CNOT2: variants seen among roughly 807,000 people sequenced by gnomAD.
CNOT2 encodes the protein CC chemokine receptor 4-negative regulator of transcription 2.
A neutral mutation model predicts 72.1 loss-of-function variants in CNOT2; 7 were observed. The observed-to-expected ratio is 0.10, with a 90% confidence interval of 0.06 to 0.18. The LOEUF is 0.18. Among genes scored for constraint, CNOT2 ranks in the 10% least tolerant of loss-of-function variants. The probability of loss-of-function intolerance (pLI) is 1.00; values close to 1 mark genes in which losing one functional copy is unlikely to be tolerated. For synonymous variants in CNOT2, 196 were observed against 225.6 expected (o/e 0.87, Z 1.17); for missense variants, 345 against 660.3 (o/e 0.52, Z 5.23).
At chr12:70,246,118 A>G (rs1273037159) in intron 1 of CNOT2, among the ~76,000 whole-genome samples, 1 of 152,218 alleles carries the variant, frequency 6.6e-6, no homozygotes, top group Non-Finnish European at 1.5e-5. Context: ...TCACATGTAT[A>G]TATGAAATAA....
At chr12:70,250,598 G>C (rs949685833) in intron 1 of CNOT2, among the ~76,000 whole-genome samples, 1 of 151,916 alleles carries the variant, frequency 6.6e-6, no homozygotes, top group African/African-American at 2.4e-5. Flanking sequence ...AAATAAAGGG[G>C]GATAAAGGTA....
chr12:70,340,475 T>G (rs1476447222), intron 11 of CNOT2, among the ~76,000 whole-genome samples: 1 of 152,212 alleles, frequency 6.6e-6, no homozygotes, highest in Non-Finnish European at 1.5e-5. Context: ...TCCACACTTC[T>G]GAGTTTGAGA....
intron 2 of CNOT2, chr12:70,294,390 T>TA: frequency 5.4e-6 from 4 of 739,682 alleles, no homozygotes; most frequent in Non-Finnish European, 8.0e-6. Flanking sequence ...GTCATTTTGT[T>TA]AGTTTAGAAA....
At chr12:70,296,637 T>C (rs1286787035) in intron 2 of CNOT2, among the ~76,000 whole-genome samples, 1 of 148,346 alleles carries the variant, frequency 6.7e-6, no homozygotes, top group Non-Finnish European at 1.5e-5. Flanking sequence ...GACTTGAATT[T>C]GTTTCTCACA....
chr12:70,295,696 T>G (rs1872700164), intron 2 of CNOT2, among the ~76,000 whole-genome samples: 1 of 152,210 alleles, frequency 6.6e-6, no homozygotes, highest in Admixed American at 6.5e-5. Flanking sequence ...CTCCAACTTC[T>G]TACTGCTCAT....
At chr12:70,276,132 A>G (rs1251114319) in intron 1 of CNOT2, among the ~76,000 whole-genome samples, 7 of 152,040 alleles carry the variant, frequency 4.6e-5, no homozygotes, top group Non-Finnish European at 2.9e-5. Context: ...ACAAAAATCC[A>G]TAATTCTTCA....
At chr12:70,313,369 A>G (rs1876794307) in intron 3 of CNOT2, among the ~76,000 whole-genome samples, 1 of 151,992 alleles carries the variant, frequency 6.6e-6, no homozygotes. Context: ...TATATTTGTC[A>G]TTTTAATTAA....
At chr12:70,326,855 A>G (rs1879154825) in intron 4 of CNOT2, among the ~76,000 whole-genome samples, 1 of 151,888 alleles carries the variant, frequency 6.6e-6, no homozygotes. Flanking sequence ...TTAATTTTAG[A>G]AAGCTAAAAT....
rs565221838 is a variant in CNOT2 at position 70,301,603 on chromosome 12, G to T, written c.49-9292G>T. The T allele has an allele frequency of 3.9e-5, 6 of 151,950 alleles. 1 individual carries two copies. The South Asian group carries it at 1.3e-3, about 32-fold the overall frequency. The allele number at this position is 151,950 out of a possible 1,614,324, so 9.4% of individuals were successfully genotyped here. A position where few individuals can be genotyped will look rare whatever the true frequency, so the allele number is the denominator to read the frequency against. Reference sequence around the variant, plus strand: ...GATCATGGTGGATAAGCTTTTTGATGTGCTGCTGGATTCGGTTTGCCTGTA... The same window carrying T: ...GATCATGGTGGATAAGCTTTTTGATTTGCTGCTGGATTCGGTTTGCCTGTA... On this transcript the variant is annotated intron_variant, in intron 2 of 15. Coordinates refer to ENST00000229195, the MANE Select transcript of CNOT2 (RefSeq NM_014515.7).
intron 5 of CNOT2, 108 bp from the exon 6 acceptor site, chr12:70,330,179 A>G: frequency 3.7e-6 from 2 of 542,164 alleles, no homozygotes; most frequent in Non-Finnish European, 6.6e-6. Context: ...TAGAACTGCA[A>G]TTTGAAAGTA....
intron 1 of CNOT2, among the ~76,000 whole-genome samples, chr12:70,256,303 T>C (rs1958435672): frequency 6.6e-6 from 1 of 152,144 alleles, no homozygotes; most frequent in South Asian, 2.1e-4. Context: ...AGTATTTAAT[T>C]CCTTTGATTT....
At chr12:70,281,706 T>C (rs1869872066) in intron 2 of CNOT2, among the ~76,000 whole-genome samples, 2 of 151,044 alleles carry the variant, frequency 1.3e-5, no homozygotes, top group Admixed American at 1.3e-4. Context: ...AGCCTTTACA[T>C]ACTTCTAGTT....
chr12:70,305,445 A>G (rs959287645), intron 2 of CNOT2, among the ~76,000 whole-genome samples: 2 of 152,208 alleles, frequency 1.3e-5, no homozygotes, highest in African/African-American at 4.8e-5. Flanking sequence ...ATTTGGGTTC[A>G]GACACAGAGC....
At chr12:70,341,499 CCT>C (rs893399490) in intron 11 of CNOT2, among the ~76,000 whole-genome samples, 121 of 152,220 alleles carry the variant, frequency 7.9e-4, no homozygotes, top group African/African-American at 2.6e-3. Context: ...TCCCAGTTCC[CCT>C]CTAACATGGG....
At chr12:70,246,145 G>A (rs1355606695) in intron 1 of CNOT2, among the ~76,000 whole-genome samples, 1 of 152,066 alleles carries the variant, frequency 6.6e-6, no homozygotes, top group Admixed American at 6.5e-5. Context: ...AGCATTAATA[G>A]ACCAATGAAA....
chr12:70,252,243 G>A (rs1282243190), intron 1 of CNOT2, among the ~76,000 whole-genome samples: 1 of 152,128 alleles, frequency 6.6e-6, no homozygotes, highest in Non-Finnish European at 1.5e-5. Context: ...CTGGAATGCA[G>A]TATCATGATC....
chr12:70,339,415 C>T (rs955982130), intron 11 of CNOT2, among the ~76,000 whole-genome samples: 2 of 152,010 alleles, frequency 1.3e-5, no homozygotes, highest in African/African-American at 4.8e-5. Context: ...CTGTGATCAA[C>T]TCCCTTCTTA....
intron 7 of CNOT2, among the ~76,000 whole-genome samples, chr12:70,333,442 T>C (rs1880243595): frequency 2.0e-5 from 3 of 151,948 alleles, no homozygotes; most frequent in African/African-American, 7.2e-5. Context: ...CTGCTTCAGA[T>C]AGAAGAGAAC....
intron 2 of CNOT2, chr12:70,278,539 A>C (rs1336377422): frequency 5.1e-6 from 2 of 393,864 alleles, no homozygotes; most frequent in African/African-American, 4.1e-5. Flanking sequence ...TTTGATATAC[A>C]AGTTATGACT....
Sources: gnomAD v4.1 joint callset for allele counts (sites outside exome capture counted in the v4.1 genomes callset) on GRCh38, gnomAD v4.1.1 for gene constraint, MANE v1.5 for transcripts, NCBI Gene and HGNC (gene_info 2026-07-23, HGNC 2026-07-21) for gene names.